The following QTGAL variants were observed in gnomAD, a reference collection of about 807,000 sequenced individuals.
QTGAL encodes queuosine-tRNA galactosyltransferase.
the QTGAL span, among the ~76,000 whole-genome samples, chr17:82,954,128 T>C: frequency 1.3e-5 from 2 of 152,174 alleles, no homozygotes; most frequent in African/African-American, 4.8e-5. Context: ...AACATAGTAT[T>C]GGAAGTTCTG....
the QTGAL span, among the ~76,000 whole-genome samples, chr17:83,009,983 C>T: frequency 1.5e-5 from 2 of 134,220 alleles, no homozygotes; most frequent in Non-Finnish European, 3.2e-5. Context: ...GGGAAGGGAG[C>T]TGTGGAGGCC....
At chr17:83,043,387 A>G in the QTGAL span, among the ~76,000 whole-genome samples, 1 of 152,246 alleles carries the variant, frequency 6.6e-6, no homozygotes. Flanking sequence ...AAATTCATAA[A>G]TAAATGAAAG....
the QTGAL span, among the ~76,000 whole-genome samples, chr17:82,963,270 A>G: frequency 6.6e-6 from 1 of 152,202 alleles, no homozygotes; most frequent in Non-Finnish European, 1.5e-5. Flanking sequence ...AAGCCGAGTC[A>G]GGGACGCGCT....
At chr17:83,049,025 G>T in the QTGAL span, 4 of 484,736 alleles carry the variant, frequency 8.3e-6, no homozygotes, top group Non-Finnish European at 1.5e-5. Context: ...AGGCCGAGGT[G>T]GGTGGATTAC....
chr17:82,958,866 T>C, the QTGAL span, among the ~76,000 whole-genome samples: 1 of 37,664 alleles, frequency 2.7e-5, no homozygotes, highest in African/African-American at 7.7e-5. Context: ...GTATGGTGTG[T>C]GTGTGTGTGT....
At chr17:83,043,686 A>G in the QTGAL span, among the ~76,000 whole-genome samples, 1 of 151,202 alleles carries the variant, frequency 6.6e-6, no homozygotes, top group African/African-American at 2.4e-5. Flanking sequence ...TAAACAAACA[A>G]TGACAAAACA....
the QTGAL span, among the ~76,000 whole-genome samples, chr17:83,001,486 A>T: frequency 2.0e-5 from 3 of 152,300 alleles, no homozygotes; most frequent in Admixed American, 2.0e-4. Flanking sequence ...TATGAAACAG[A>T]AAGTCCCAGG....
At chr17:82,956,463 C>G in the QTGAL span, among the ~76,000 whole-genome samples, 2 of 152,240 alleles carry the variant, frequency 1.3e-5, no homozygotes, top group Non-Finnish European at 2.9e-5. The surrounding 1 kb of genome is among the most constrained non-coding windows in gnomAD (Gnocchi z 5.7). Flanking sequence ...CCATCCCCCC[C>G]ACACCCATGC....
the QTGAL span, among the ~76,000 whole-genome samples, chr17:83,022,267 G>T: frequency 6.7e-6 from 1 of 149,242 alleles, no homozygotes; most frequent in African/African-American, 2.5e-5. Context: ...ACTCACATGA[G>T]CTTAGCACTG....
At chr17:83,050,488 T>C in the QTGAL span, among the ~76,000 whole-genome samples, 1 of 152,306 alleles carries the variant, frequency 6.6e-6, no homozygotes, top group African/African-American at 2.4e-5. Context: ...ATCTACAAAA[T>C]ATAATGTTTC....
the QTGAL span, chr17:82,960,975 C>A: frequency 5.3e-6 from 8 of 1,505,466 alleles, no homozygotes; most frequent in South Asian, 1.0e-4. Flanking sequence ...GGGGTCGGCC[C>A]CACCAACCCC....
chr17:82,964,789 C>T, the QTGAL span, among the ~76,000 whole-genome samples: 2 of 105,586 alleles, frequency 1.9e-5, no homozygotes, highest in African/African-American at 3.7e-5. Flanking sequence ...GCAGGTGCAC[C>T]CCCACGGGGG....
At chr17:82,977,351 C>G in the QTGAL span, among the ~76,000 whole-genome samples, 46 of 152,276 alleles carry the variant, frequency 3.0e-4, no homozygotes, top group African/African-American at 1.1e-3. Flanking sequence ...TAACACCCCC[C>G]ACCCACCGGA....
the QTGAL span, among the ~76,000 whole-genome samples, chr17:82,976,018 G>A: frequency 2.0e-5 from 2 of 101,188 alleles, 1 homozygote; most frequent in South Asian, 6.2e-4. Flanking sequence ...CACTTATGGG[G>A]AACGAGGGCC....
At chr17:82,961,283 T>C in the QTGAL span, 1 of 1,460,256 alleles carries the variant, frequency 6.8e-7, no homozygotes, top group Non-Finnish European at 9.2e-7. Flanking sequence ...CAGGAACCGG[T>C]GGAAAAGGCT....
the QTGAL span, among the ~76,000 whole-genome samples, chr17:83,029,562 T>C: frequency 3.3e-5 from 5 of 151,970 alleles, no homozygotes; most frequent in East Asian, 5.8e-4. Flanking sequence ...TGTCACACGA[T>C]GAAAACAAAA....
the QTGAL span, among the ~76,000 whole-genome samples, chr17:82,958,164 C>T: frequency 1.5e-4 from 23 of 152,224 alleles, no homozygotes; most frequent in African/African-American, 4.6e-4. Context: ...TGGAGCTGCC[C>T]GGGCTGAGCC....
chr17:82,970,981 C>T, the QTGAL span, among the ~76,000 whole-genome samples: 1,241 of 152,172 alleles, frequency 8.2e-3, 15 homozygotes, highest in African/African-American at 0.028. Context: ...GGAGAGAAAC[C>T]GAGGCAGCCG....
At chr17:82,963,134 A>G in the QTGAL span, among the ~76,000 whole-genome samples, 23 of 152,278 alleles carry the variant, frequency 1.5e-4, no homozygotes, top group African/African-American at 5.3e-4. Context: ...TGCTCACAGA[A>G]CCATCCTCGG....
Sources: gnomAD v4.1 joint callset for allele counts (sites outside exome capture counted in the v4.1 genomes callset) on GRCh38, gnomAD v4.1.1 for gene constraint, Gnocchi (gnomAD v3.1) non-coding constraint, MANE v1.5 for transcripts, NCBI Gene and HGNC (gene_info 2026-07-23, HGNC 2026-07-21) for gene names.